The following NEBL variants were observed in gnomAD, a reference collection of about 807,000 sequenced individuals.
NEBL encodes the protein LIM and SH3 protein 2.
NEBL carries 122 observed loss-of-function variants against 140.2 expected under a neutral mutation model. The observed-to-expected ratio is 0.87, with a 90% CI of 0.75 to 1.01. NEBL has a LOEUF of 1.01. NEBL is among the 50% of genes least tolerant of loss of function. NEBL has a pLI of 0.00. For missense variants in NEBL, 1,365 were observed against 1,231.3 expected (o/e 1.11, Z -1.62); for synonymous variants, 436 against 398.9 (o/e 1.09, Z -1.11).
chr10:20,897,053 C>T, intron 1 of NEBL, 24 bp from the exon 2 acceptor site: 1 of 1,609,512 alleles, frequency 6.2e-7, no homozygotes, highest in Non-Finnish European at 8.5e-7. Flanking sequence ...AAGAAAAGAA[C>T]AGAAAGAACA....
At chr10:21,003,825 T>C (rs557859431) in intron 3 of NEBL, among the ~76,000 whole-genome samples, 1 of 152,248 alleles carries the variant, frequency 6.6e-6, no homozygotes, top group Non-Finnish European at 1.5e-5. Flanking sequence ...TTTTAAGATT[T>C]TATGAAAATC....
intron 3 of NEBL, among the ~76,000 whole-genome samples, chr10:21,015,589 C>T (rs1838523159): frequency 6.6e-6 from 1 of 152,210 alleles, no homozygotes; most frequent in Non-Finnish European, 1.5e-5. Flanking sequence ...CAGCTAACTG[C>T]AGCCTCCAAC....
chr10:21,079,058 C>T (rs1836244781), intron 2 of NEBL, among the ~76,000 whole-genome samples: 1 of 152,204 alleles, frequency 6.6e-6, no homozygotes, highest in African/African-American at 2.4e-5. Context: ...AGCAAATGCC[C>T]TCCTCTTAGG....
chr10:21,203,064 T>A (rs1841767296), intron 3 of NEBL, among the ~76,000 whole-genome samples: 1 of 152,252 alleles, frequency 6.6e-6, no homozygotes, highest in Non-Finnish European at 1.5e-5. Flanking sequence ...AGATGGGGAA[T>A]AAAGTCCTTG....
intron 1 of NEBL, among the ~76,000 whole-genome samples, chr10:21,272,678 A>G (rs1842873764): frequency 6.6e-6 from 1 of 152,184 alleles, no homozygotes; most frequent in Admixed American, 6.5e-5. Flanking sequence ...AATATCTACA[A>G]GTTGCTTTTT....
intron 3 of NEBL, among the ~76,000 whole-genome samples, chr10:21,019,170 A>C (rs1234220129): frequency 6.6e-6 from 1 of 152,224 alleles, no homozygotes; most frequent in Non-Finnish European, 1.5e-5. Flanking sequence ...CATCATAACA[A>C]GCCTCCACAG....
At chr10:21,140,708 C>A (rs1839588332) in intron 2 of NEBL, among the ~76,000 whole-genome samples, 1 of 151,974 alleles carries the variant, frequency 6.6e-6, no homozygotes, top group Admixed American at 6.6e-5. Flanking sequence ...TAATTAAAAA[C>A]TAATATCAAT....
At chr10:21,259,085 A>G (rs977958318) in intron 1 of NEBL, among the ~76,000 whole-genome samples, 2 of 140,564 alleles carry the variant, frequency 1.4e-5, no homozygotes, top group Non-Finnish European at 3.1e-5. Context: ...TTTTTTTTTT[A>G]ATAGCTTTTT....
At chr10:21,232,369 G>T (rs934138870) in intron 3 of NEBL, among the ~76,000 whole-genome samples, 5 of 152,158 alleles carry the variant, frequency 3.3e-5, no homozygotes, top group African/African-American at 1.2e-4. Flanking sequence ...CCAAGGGTCG[G>T]TCGGGGGGTG....
Position 21,135,434 on chromosome 10 carries a change from T to TA in NEBL, c.164+36948dup, listed in dbSNP as rs35676602. On this transcript the variant is annotated intron_variant, in intron 2 of 6. Coordinates refer to the NEBL transcript ENST00000417816. ...ATGCTAGTTACAGCCTCAGTGGAGA[T>TA]AAAAAAAAAAAAAATCTGGCAATGA... Among the ~76,000 whole-genome samples the TA allele has an allele frequency of 8.5e-3, 1,148 of 134,806 alleles. 10 individuals carry two copies. The highest frequency in any genetic ancestry group is 0.054 in the East Asian group (257 of 4,716). The allele number at this position is 134,806 out of a possible 152,430, so 88.4% of individuals were successfully genotyped here.
At chr10:21,067,113 C>T (rs955312225) in intron 2 of NEBL, among the ~76,000 whole-genome samples, 8 of 151,222 alleles carry the variant, frequency 5.3e-5, no homozygotes, top group Non-Finnish European at 1.2e-4. Context: ...GCTGGGACTA[C>T]AGGCGCCCGC....
chr10:21,079,665 A>G (rs780938800), intron 2 of NEBL, among the ~76,000 whole-genome samples: 2 of 152,238 alleles, frequency 1.3e-5, no homozygotes, highest in Non-Finnish European at 2.9e-5. Context: ...TATGGTTCTC[A>G]TCTTCACCTA....
intron 1 of NEBL, among the ~76,000 whole-genome samples, chr10:21,259,425 A>C (rs370459923): frequency 1.3e-5 from 2 of 152,162 alleles, no homozygotes; most frequent in African/African-American, 4.8e-5. Flanking sequence ...ACAGGCTTCA[A>C]GTTCATTCCC....
intron 26 of NEBL, among the ~76,000 whole-genome samples, chr10:20,787,840 A>G (rs1485427045): frequency 1.3e-5 from 2 of 152,194 alleles, no homozygotes; most frequent in Non-Finnish European, 2.9e-5. Flanking sequence ...AAAAGTCCAT[A>G]CCCTTTAAAG....
intron 4 of NEBL, among the ~76,000 whole-genome samples, chr10:20,946,069 C>G (rs1428860190): frequency 6.6e-6 from 1 of 152,170 alleles, no homozygotes; most frequent in Non-Finnish European, 1.5e-5. Flanking sequence ...CATCTCTTCC[C>G]TCTATTCGGG....
intron 2 of NEBL, among the ~76,000 whole-genome samples, chr10:21,123,781 A>T (rs918389427): frequency 2.0e-5 from 3 of 150,556 alleles, no homozygotes; most frequent in African/African-American, 7.3e-5. Flanking sequence ...CAACATATAT[A>T]ATTTTATATA....
chr10:20,816,338 G>C (rs929151555), intron 21 of NEBL, among the ~76,000 whole-genome samples: 29 of 152,206 alleles, frequency 1.9e-4, no homozygotes, highest in African/African-American at 6.8e-4. Context: ...CCGTAGACTG[G>C]TACTACATGG....
intron 2 of NEBL, among the ~76,000 whole-genome samples, chr10:21,119,069 C>G (rs1838405503): frequency 6.6e-6 from 1 of 152,164 alleles, no homozygotes; most frequent in Non-Finnish European, 1.5e-5. Flanking sequence ...GCAATCCTTT[C>G]TCTACTCCAA....
chr10:20,903,861 G>A (rs1847977632), intron 4 of NEBL, among the ~76,000 whole-genome samples: 1 of 129,052 alleles, frequency 7.7e-6, no homozygotes, highest in South Asian at 2.2e-4. Context: ...GGCCAATGGA[G>A]ACTCAGAAGG....
Sources: allele counts gnomAD v4.1 joint callset (sites outside exome capture counted in the v4.1 genomes callset), GRCh38; gene constraint gnomAD v4.1.1; transcripts MANE v1.5; gene names NCBI Gene and HGNC (gene_info 2026-07-23, HGNC 2026-07-21).